TMEFF2: variants seen among roughly 807,000 people sequenced by gnomAD.
The protein encoded by TMEFF2 is transmembrane protein with EGF like and two follistatin like domains 2, also known as tomoregulin-2.
In TMEFF2, 28 loss-of-function variants were observed where a neutral mutation model predicts 53.8. That is an observed-to-expected ratio of 0.52 (90% CI 0.39 to 0.71). The LOEUF is 0.71. Among genes scored for constraint, TMEFF2 ranks in the 30% least tolerant of loss-of-function variants. The pLI, the probability that TMEFF2 is intolerant of heterozygous loss-of-function variation, is 0.00. For synonymous variants in TMEFF2, 162 were observed against 166.3 expected, an observed-to-expected ratio of 0.97 and a Z score of 0.20; for missense variants, 353 against 455.2, an observed-to-expected ratio of 0.78 and a Z score of 2.04.
chr2:192,150,323 C>T (rs957293397), intron 4 of TMEFF2, among the ~76,000 whole-genome samples: 6 of 151,832 alleles, frequency 4.0e-5, no homozygotes, highest in African/African-American at 1.4e-4. Flanking sequence ...CAGATGTCAG[C>T]CATGCCCCTA....
chr2:192,138,913 C>T (rs1307297033), intron 4 of TMEFF2, among the ~76,000 whole-genome samples: 1 of 152,066 alleles, frequency 6.6e-6, no homozygotes, highest in Non-Finnish European at 1.5e-5. Context: ...TTATTTTCTC[C>T]CTGGGGGGTT....
chr2:192,055,791 A>AC lies in TMEFF2; in HGVS notation c.536+1887_536+1888insG, dbSNP rs1200205795. On this transcript the variant is annotated intron_variant, in intron 5 of 9. Coordinates refer to ENST00000272771, the MANE Select transcript of TMEFF2 (RefSeq NM_016192.4). ...CTCCATCTCAAAAAAAAAAAAAAAA[A>AC]AAAAAAAAGAAGCGAGACTCTGTCT... Among the ~76,000 whole-genome samples the AC allele has an allele frequency of 5.3e-5, 8 of 150,924 alleles. No homozygotes were observed. The South Asian group carries it at 8.3e-4, about 16-fold the overall frequency.
At chr2:192,066,802 C>A (rs777091745) in intron 4 of TMEFF2, among the ~76,000 whole-genome samples, 28 of 151,358 alleles carry the variant, frequency 1.8e-4, no homozygotes, top group Non-Finnish European at 3.8e-4. Flanking sequence ...TCATTTAGAG[C>A]AGGTTACTAT....
At chr2:191,989,908 C>T (rs137999108) in intron 7 of TMEFF2, among the ~76,000 whole-genome samples, 1 of 152,246 alleles carries the variant, frequency 6.6e-6, no homozygotes, top group Non-Finnish European at 1.5e-5. Flanking sequence ...TTCTTGCATA[C>T]TGAAACACTA....
chr2:192,046,231 G>A (rs189826896), intron 5 of TMEFF2, among the ~76,000 whole-genome samples: 20 of 152,258 alleles, frequency 1.3e-4, no homozygotes, highest in African/African-American at 4.3e-4. Flanking sequence ...TGGGCATGTG[G>A]CATGCACCTG....
intron 4 of TMEFF2, among the ~76,000 whole-genome samples, chr2:192,120,701 T>C (rs1224435800): frequency 6.6e-6 from 1 of 152,162 alleles, no homozygotes; most frequent in Non-Finnish European, 1.5e-5. Context: ...TGTAGAGATC[T>C]GTTATAGTAT....
intron 7 of TMEFF2, among the ~76,000 whole-genome samples, chr2:191,978,970 G>A (rs1483577221): frequency 6.6e-6 from 1 of 152,140 alleles, no homozygotes; most frequent in Non-Finnish European, 1.5e-5. Flanking sequence ...CAGGAGCTGG[G>A]AGAACCATAC....
intron 3 of TMEFF2, among the ~76,000 whole-genome samples, chr2:192,184,125 T>C (rs1691253973): frequency 6.6e-6 from 1 of 152,132 alleles, no homozygotes; most frequent in Non-Finnish European, 1.5e-5. Context: ...ATGACATACG[T>C]ACTTAAATCT....
chr2:192,183,472 T>A (rs1475313848), intron 3 of TMEFF2, among the ~76,000 whole-genome samples: 1 of 152,060 alleles, frequency 6.6e-6, no homozygotes, highest in South Asian at 2.1e-4. Context: ...TTAGAGAAAG[T>A]TTATAATTGA....
chr2:192,007,615 A>G (rs952739152), intron 5 of TMEFF2, among the ~76,000 whole-genome samples: 2 of 152,184 alleles, frequency 1.3e-5, no homozygotes, highest in African/African-American at 4.8e-5. Context: ...ACAGATTGCA[A>G]AGGGCCTCAA....
At chr2:192,182,702 T>C (rs935146765) in intron 3 of TMEFF2, among the ~76,000 whole-genome samples, 3 of 151,962 alleles carry the variant, frequency 2.0e-5, no homozygotes, top group Non-Finnish European at 4.4e-5. Context: ...CATGTGGCTA[T>C]TGTTAGAAAA....
intron 4 of TMEFF2, among the ~76,000 whole-genome samples, chr2:192,162,349 T>G (rs1690654789): frequency 6.6e-6 from 1 of 152,176 alleles, no homozygotes; most frequent in Non-Finnish European, 1.5e-5. Context: ...AGGAAAAAAG[T>G]CTTTTAATAT....
At chr2:192,162,954 T>A (rs1007689876) in intron 4 of TMEFF2, among the ~76,000 whole-genome samples, 4 of 152,188 alleles carry the variant, frequency 2.6e-5, no homozygotes, top group African/African-American at 9.7e-5. Context: ...CAAGCAGAGC[T>A]TAATTGTAGT....
At chr2:192,182,402 A>G (rs1691208700) in intron 3 of TMEFF2, among the ~76,000 whole-genome samples, 1 of 151,992 alleles carries the variant, frequency 6.6e-6, no homozygotes. Flanking sequence ...TGGAAGATGC[A>G]TTCAGCAAGA....
chr2:192,123,239 G>C (rs1689600320), intron 4 of TMEFF2, among the ~76,000 whole-genome samples: 1 of 152,096 alleles, frequency 6.6e-6, no homozygotes, highest in African/African-American at 2.4e-5. Flanking sequence ...TATGATGTTT[G>C]GCAGCATCTG....
chr2:191,955,524 A>ATTCTTTTTTT (rs1692048707), intron 8 of TMEFF2, among the ~76,000 whole-genome samples: 1 of 60,304 alleles, frequency 1.7e-5, no homozygotes, highest in Non-Finnish European at 2.9e-5. Flanking sequence ...CTAATTCTTA[A>ATTCTTTTTTT]TTTTTTTTTT....
chr2:191,990,436 T>TGTGTGTGTGTGTG (rs1553510906), intron 7 of TMEFF2, among the ~76,000 whole-genome samples: 2 of 148,960 alleles, frequency 1.3e-5, no homozygotes, highest in African/African-American at 2.5e-5. Context: ...TGTGTGTGTG[T>TGTGTGTGTGTGTG]TGTTTTTGTT....
chr2:192,121,450 G>A (rs146414360), intron 4 of TMEFF2, among the ~76,000 whole-genome samples: 1 of 152,148 alleles, frequency 6.6e-6, no homozygotes, highest in African/African-American at 2.4e-5. Flanking sequence ...GTAGAAGGAG[G>A]GGAAGGAGGA....
At chr2:192,089,856 G>A (rs1688751796) in intron 4 of TMEFF2, among the ~76,000 whole-genome samples, 1 of 152,160 alleles carries the variant, frequency 6.6e-6, no homozygotes, top group Non-Finnish European at 1.5e-5. Context: ...GTAGCACAAT[G>A]TCTGGAGCAC....
Sources: gnomAD v4.1 joint callset for allele counts (sites outside exome capture counted in the v4.1 genomes callset) on GRCh38, gnomAD v4.1.1 for gene constraint, MANE v1.5 for transcripts, NCBI Gene and HGNC (gene_info 2026-07-23, HGNC 2026-07-21) for gene names.